The following CEP63 variants were observed in gnomAD, a reference collection of about 807,000 sequenced individuals.
CEP63 encodes the protein centrosomal protein 63, also known as centrosomal protein of 63 kDa.
In CEP63, 84 loss-of-function variants were observed where a neutral mutation model predicts 89.1. That is an observed-to-expected ratio of 0.94 (90% CI 0.79 to 1.13). The LOEUF is 1.13. CEP63 is among the 50% of genes most tolerant of loss of function. CEP63 has a pLI of 0.00. For missense variants in CEP63, 838 were observed against 813.3 expected, an observed-to-expected ratio of 1.03 and a Z score of -0.37; for synonymous variants, 267 against 272.5, an observed-to-expected ratio of 0.98 and a Z score of 0.20.
chr3:134,570,009 C>T (rs1324828878), downstream of CEP63, among the ~76,000 whole-genome samples: 1 of 152,244 alleles, frequency 6.6e-6, no homozygotes, highest in Non-Finnish European at 1.5e-5. Context: ...ACGTTGGCCA[C>T]TTTCAGCCAC....
chr3:134,493,273 C>G (rs910091236), intron 1 of CEP63, among the ~76,000 whole-genome samples: 1 of 151,702 alleles, frequency 6.6e-6, no homozygotes, highest in Non-Finnish European at 1.5e-5. Context: ...ATTGTTCATG[C>G]CCCTCATTTT....
chr3:134,495,223 C>A, intron 1 of CEP63, 73 bp from the exon 2 acceptor site: 1 of 1,069,890 alleles, frequency 9.3e-7, no homozygotes, highest in South Asian at 1.3e-5. Flanking sequence ...CATTCACATT[C>A]TTAAGTTGTA....
chr3:134,751,872 G>GA, the CEP63 span, among the ~76,000 whole-genome samples: 7 of 151,874 alleles, frequency 4.6e-5, no homozygotes, highest in South Asian at 4.2e-4. Flanking sequence ...TCCAGAAAGG[G>GA]AAAAAAAAGT....
In CEP63 at chr3:134,581,180, C is replaced by A. The variant is rs191927527; in HGVS notation, c.1207-6278C>A. Among the ~76,000 whole-genome samples, 24 of 152,310 alleles carry A rather than the reference C, an allele frequency of 1.6e-4. No homozygotes were observed. The East Asian group carries it at 4.0e-3, about 26-fold the overall frequency. On this transcript the variant is annotated intron_variant, in intron 10 of 10. Transcript: ENST00000683931. ...AACACCCTGAGTATAGCCCAGAGAACCTCATTTTGTACTTTTGAATATACA... is the reference window on the plus strand; with the variant it reads ...AACACCCTGAGTATAGCCCAGAGAAACTCATTTTGTACTTTTGAATATACA...
chr3:134,619,394 C>T, the CEP63 span: 1 of 700,052 alleles, frequency 1.4e-6, no homozygotes, highest in South Asian at 1.6e-5. Context: ...GGAACTACAG[C>T]CCCAGCACAA....
chr3:134,546,237 T>C lies in CEP63; in HGVS notation c.878T>C (p.Leu293Ser). ...IHEARIQKEK[L>S]QEKVKATNTQ... ...GAGGCCAGAATACAAAAGGAGAAGTTACAAGAAAAAGTAAAGGCAACTAAC... is the reference window on the plus strand; with the variant it reads ...GAGGCCAGAATACAAAAGGAGAAGTCACAAGAAAAAGTAAAGGCAACTAAC... Residue 293 changes from leucine to serine, a missense_variant, in exon 8 of 15, where the codon TTA (leucine) becomes TCA (serine). Physicochemically the swap from Leu to Ser is moderately radical, Grantham distance 145. Coordinates refer to ENST00000675561, the MANE Select transcript of CEP63 (RefSeq NM_001353108.3). 6.2e-7 allele frequency: 1 copy of C among 1,613,834 alleles called. No individual in the cohort carries two copies. The highest frequency in any genetic ancestry group is 8.5e-7 in the Non-Finnish European group (1 of 1,179,832).
chr3:134,535,840 T>C (rs1950667151), intron 5 of CEP63: 1 of 152,258 alleles, frequency 6.6e-6, no homozygotes, highest in African/African-American at 2.4e-5. Context: ...ATGATTCTGC[T>C]GTAATGTAAG....
At chr3:134,541,900 CTG>C (rs1416579766) in intron 6 of CEP63, among the ~76,000 whole-genome samples, 1 of 152,010 alleles carries the variant, frequency 6.6e-6, no homozygotes, top group Non-Finnish European at 1.5e-5. Context: ...AGTTGTTAAA[CTG>C]TAATGCTAGA....
chr3:134,687,292 T>C, the CEP63 span, among the ~76,000 whole-genome samples: 3 of 152,222 alleles, frequency 2.0e-5, no homozygotes, highest in Non-Finnish European at 2.9e-5. Flanking sequence ...TCTCAAAGGT[T>C]ACTACTACCC....
chr3:134,585,252 C>T (rs980954590), intron 10 of CEP63, among the ~76,000 whole-genome samples: 2 of 151,912 alleles, frequency 1.3e-5, no homozygotes, highest in Non-Finnish European at 2.9e-5. Context: ...TTTGCTCTTG[C>T]TTCTCTAGTT....
chr3:134,741,142 A>C, the CEP63 span, among the ~76,000 whole-genome samples: 1 of 152,132 alleles, frequency 6.6e-6, no homozygotes, highest in East Asian at 1.9e-4. Flanking sequence ...GTCCCCACTC[A>C]GTTTTCAGAG....
chr3:134,680,882 C>G, the CEP63 span, among the ~76,000 whole-genome samples: 1 of 152,364 alleles, frequency 6.6e-6, no homozygotes, highest in Admixed American at 6.5e-5. Context: ...CTGTTTAGAA[C>G]TTGCTTCTGA....
chr3:134,691,379 C>T, the CEP63 span, among the ~76,000 whole-genome samples: 11 of 148,502 alleles, frequency 7.4e-5, 1 homozygote, highest in African/African-American at 2.5e-4. Flanking sequence ...CTTTAGGAAG[C>T]TGAGGTGGGC....
At chr3:134,575,155 C>T (rs1319325475), downstream of CEP63, 6 of 252,362 alleles carry the variant, frequency 2.4e-5, no homozygotes, top group East Asian at 6.6e-5. Flanking sequence ...TCCCTCCCTC[C>T]GTCCCCCTTC....
intron 3 of CEP63, among the ~76,000 whole-genome samples, chr3:134,522,626 C>T (rs980599468): frequency 1.9e-4 from 29 of 152,138 alleles, no homozygotes; most frequent in Non-Finnish European, 2.6e-4. Context: ...CCTTTACCCT[C>T]CAGTAAGCCT....
At chr3:134,751,461 C>T in the CEP63 span, among the ~76,000 whole-genome samples, 1 of 152,144 alleles carries the variant, frequency 6.6e-6, no homozygotes, top group African/African-American at 2.4e-5. Flanking sequence ...GGTTTTCATA[C>T]CTCAGCCCGA....
At chr3:134,738,279 CACACACACA>C in the CEP63 span, among the ~76,000 whole-genome samples, 3 of 149,210 alleles carry the variant, frequency 2.0e-5, no homozygotes, top group East Asian at 4.0e-4. Flanking sequence ...CACACACACA[CACACACACA>C]CCACAATATC....
At chr3:134,545,849 A>T (rs914348707) in intron 7 of CEP63, 30 bp downstream of exon 7, 1 of 1,494,666 alleles carries the variant, frequency 6.7e-7, no homozygotes, top group Admixed American at 1.8e-5. Flanking sequence ...TAATTGGGGG[A>T]AGTGTGTGTA....
the CEP63 span, among the ~76,000 whole-genome samples, chr3:134,759,433 G>C: frequency 5.3e-5 from 8 of 152,150 alleles, no homozygotes; most frequent in Non-Finnish European, 4.4e-5. Flanking sequence ...TCTTGTCTTT[G>C]GCCACCTACA....
Sources: gnomAD v4.1 joint callset for allele counts (sites outside exome capture counted in the v4.1 genomes callset) on GRCh38, gnomAD v4.1.1 for gene constraint, MANE v1.5 for transcripts, NCBI Gene and HGNC (gene_info 2026-07-23, HGNC 2026-07-21) for gene names.